SDCCAG8: variants seen among roughly 807,000 people sequenced by gnomAD.
SDCCAG8 encodes the protein SHH signaling and ciliogenesis regulator SDCCAG8.
A neutral mutation model predicts 101.8 loss-of-function variants in SDCCAG8; 74 were observed. The ratio of observed to expected loss-of-function variants is 0.73; its 90% CI spans 0.60 to 0.88. SDCCAG8 has a LOEUF of 0.88. SDCCAG8 is among the 40% of genes least tolerant of loss of function. SDCCAG8 has a pLI of 0.00. For synonymous variants in SDCCAG8, 281 were observed against 292.9 expected, an observed-to-expected ratio of 0.96 and a Z score of 0.41; for missense variants, 787 against 822.6, an observed-to-expected ratio of 0.96 and a Z score of 0.53.
chr1:243,282,554 T>C lies in SDCCAG8; in HGVS notation c.421-3718T>C, dbSNP rs563548655. Among the ~76,000 whole-genome samples, 24 of 152,322 alleles carry C rather than the reference T, an allele frequency of 1.6e-4. 1 individual carries two copies. Among genetic ancestry groups the C allele is most frequent in the Non-Finnish European group, 2.8e-4 (19 of 68,028 alleles). On this transcript the variant is annotated intron_variant, in intron 4 of 17. Coordinates refer to ENST00000366541, the MANE Select transcript of SDCCAG8 (RefSeq NM_006642.5). ...GGCAGTTTCTGACTTTATCACCTTT[T>C]CTCCTTTCTGAAGAACTTTTTTAAA... is the stretch of plus-strand genomic sequence containing the variant.
intron 3 of SDCCAG8, among the ~76,000 whole-genome samples, chr1:243,272,250 C>T (rs2068151633): frequency 6.6e-6 from 1 of 152,166 alleles, no homozygotes; most frequent in Non-Finnish European, 1.5e-5. Flanking sequence ...TTTTCTAGTT[C>T]AATACAATGC....
intron 9 of SDCCAG8, among the ~76,000 whole-genome samples, chr1:243,320,594 C>T (rs1410674037): frequency 6.6e-6 from 1 of 152,146 alleles, no homozygotes; most frequent in African/African-American, 2.4e-5. Context: ...TTAGATTCAA[C>T]TTCTGGCCCC....
At chr1:243,293,408 A>G (rs1238477277) in intron 6 of SDCCAG8, 189 bp downstream of exon 6, 3 of 733,806 alleles carry the variant, frequency 4.1e-6, no homozygotes, top group African/African-American at 1.7e-5. Context: ...GAACTTTTTG[A>G]TCATCTCAAA....
chr1:243,335,278 G>A (rs1240022645), intron 10 of SDCCAG8, among the ~76,000 whole-genome samples: 1 of 152,162 alleles, frequency 6.6e-6, no homozygotes, highest in Non-Finnish European at 1.5e-5. Context: ...GAGTATGGGG[G>A]AAGGAACGCC....
intron 12 of SDCCAG8, among the ~76,000 whole-genome samples, chr1:243,370,496 G>T (rs1389103018): frequency 1.3e-5 from 2 of 152,098 alleles, no homozygotes; most frequent in Non-Finnish European, 1.5e-5. Flanking sequence ...ACTGACCGCA[G>T]AGTTGTAATG....
chr1:243,471,052 G>A (rs1403243917), intron 16 of SDCCAG8, among the ~76,000 whole-genome samples: 1 of 152,060 alleles, frequency 6.6e-6, no homozygotes, highest in Non-Finnish European at 1.5e-5. Flanking sequence ...TCTGTCTCTC[G>A]ATCCCTCTTT....
At position 243,497,785 on chromosome 1, in the gene SDCCAG8, TCTC is replaced by T. The variant is rs201597139; in HGVS notation, c.2113-1968_2113-1966del. On this transcript the variant is annotated intron_variant, in intron 17 of 17. Transcript: ENST00000366541. ...GCCTTGAATTCTGGGCTACAGCAATTCTCCTACATCAGCCTTTTGAGTCGCTGG... is the reference window on the plus strand; with the variant it reads ...GCCTTGAATTCTGGGCTACAGCAATTCTACATCAGCCTTTTGAGTCGCTGG... 3.7e-3 allele frequency among the ~76,000 whole-genome samples: 570 copies of T among 152,284 alleles called. 8 individuals are homozygous for T. Among genetic ancestry groups the T allele is most frequent in the African/African-American group, 0.013 (525 of 41,556 alleles).
chr1:243,476,601 G>GC (rs928311276), intron 16 of SDCCAG8, among the ~76,000 whole-genome samples: 3 of 152,146 alleles, frequency 2.0e-5, no homozygotes, highest in Non-Finnish European at 2.9e-5. Context: ...ACAGCAGTGT[G>GC]CCCCCCAAAC....
At chr1:243,396,245 T>C (rs1351568030) in intron 13 of SDCCAG8, among the ~76,000 whole-genome samples, 1 of 152,188 alleles carries the variant, frequency 6.6e-6, no homozygotes, top group Non-Finnish European at 1.5e-5. Context: ...ATAAATTCAA[T>C]TGAGAGTATA....
intron 16 of SDCCAG8, among the ~76,000 whole-genome samples, chr1:243,479,339 G>A (rs1430093925): frequency 6.6e-6 from 1 of 152,186 alleles, no homozygotes. Context: ...CCCGAGGCTG[G>A]CAAACTTTAA....
At chr1:243,475,194 G>C (rs1438646317) in intron 16 of SDCCAG8, among the ~76,000 whole-genome samples, 3 of 152,200 alleles carry the variant, frequency 2.0e-5, no homozygotes, top group Non-Finnish European at 4.4e-5. Context: ...TATCAGGGCA[G>C]TTCTACCGCC....
intron 6 of SDCCAG8, chr1:243,293,478 C>A (rs2070477359): frequency 3.3e-6 from 2 of 603,684 alleles, no homozygotes; most frequent in Non-Finnish European, 6.2e-6. Context: ...CCCCTGATGA[C>A]CTCTCTTCAA....
At chr1:243,344,697 G>C (rs1033406586) in intron 12 of SDCCAG8, among the ~76,000 whole-genome samples, 2 of 152,134 alleles carry the variant, frequency 1.3e-5, no homozygotes, top group Non-Finnish European at 2.9e-5. Flanking sequence ...AAATGAAAAA[G>C]TTTAAAATTC....
rs77908995 is a variant in SDCCAG8, at chr1:243,490,450, T to G, written c.2112+1310T>G. Among the ~76,000 whole-genome samples the G allele has an allele frequency of 7.0e-3, 1,061 of 152,348 alleles. 11 individuals carry two copies. Among genetic ancestry groups the G allele is most frequent in the African/African-American group, 0.024 (992 of 41,584 alleles). On this transcript the variant is annotated intron_variant, in intron 17 of 17. Coordinates refer to ENST00000366541, the MANE Select transcript of SDCCAG8 (RefSeq NM_006642.5). ...AATTTTGCCAAGCTGTTGGGATGATTCTGGACGACACTACATTTTGAAAAC... is the reference window on the plus strand; with the variant it reads ...AATTTTGCCAAGCTGTTGGGATGATGCTGGACGACACTACATTTTGAAAAC...
At position 243,319,717 on chromosome 1, in the gene SDCCAG8, A is replaced by G. The variant is rs936976760; in HGVS notation, c.1068+2824A>G. Among the ~76,000 whole-genome samples, 13 of 152,092 alleles carry G rather than the reference A, an allele frequency of 8.5e-5. 1 individual carries two copies. The highest frequency in any genetic ancestry group is 6.8e-3 in the Middle Eastern group (2 of 294). ...ATCTGATCCTTTTCCTCTTCATTCT[A>G]TCTCTTTCATCATCCTTAAATGTTT... is the stretch of plus-strand genomic sequence containing the variant. On this transcript the variant is annotated intron_variant, in intron 9 of 17. Transcript: ENST00000366541.
intron 1 of SDCCAG8, chr1:243,267,582 A>G: frequency 3.9e-6 from 2 of 507,748 alleles, no homozygotes; most frequent in East Asian, 4.1e-5. Flanking sequence ...AGCCTGGGCG[A>G]CAAGAGCCAA....
chr1:243,476,082 G>T (rs769727197), intron 16 of SDCCAG8: 1 of 985,290 alleles, frequency 1.0e-6, no homozygotes, highest in East Asian at 1.1e-4. Context: ...TCATCAGTGT[G>T]TGGAGGACCC....
chr1:243,366,704 A>G (rs995766749), intron 12 of SDCCAG8, among the ~76,000 whole-genome samples: 37 of 152,200 alleles, frequency 2.4e-4, no homozygotes, highest in African/African-American at 8.9e-4. Context: ...TAGATGTGTC[A>G]TTGGACTTGC....
At chr1:243,259,846 A>G (rs544164294) in intron 1 of SDCCAG8, among the ~76,000 whole-genome samples, 1 of 152,190 alleles carries the variant, frequency 6.6e-6, no homozygotes, top group Admixed American at 6.5e-5. Flanking sequence ...CAAAACAAAC[A>G]AACAAAAAAA....
Sources: allele counts gnomAD v4.1 joint callset (sites outside exome capture counted in the v4.1 genomes callset), GRCh38; gene constraint gnomAD v4.1.1; transcripts MANE v1.5; gene names NCBI Gene and HGNC (gene_info 2026-07-23, HGNC 2026-07-21).